The following RBM47 variants were observed in gnomAD, a reference collection of about 807,000 sequenced individuals.
RBM47 encodes RNA binding motif protein 47.
Under a neutral mutation model 47.1 loss-of-function variants are expected in RBM47, and 21 were observed. That is an observed-to-expected ratio of 0.45 (90% CI 0.32 to 0.64). The LOEUF is 0.64. RBM47 is among the 30% of genes least tolerant of loss of function. The probability of loss-of-function intolerance (pLI) is 0.05; values close to 1 mark genes in which losing one functional copy is unlikely to be tolerated. For synonymous variants in RBM47, 375 were observed against 361.7 expected, an observed-to-expected ratio of 1.04 and a Z score of -0.42; for missense variants, 708 against 870.9, an observed-to-expected ratio of 0.81 and a Z score of 2.35.
At chr4:40,556,876 A>T (rs1730146107) in intron 1 of RBM47, among the ~76,000 whole-genome samples, 1 of 151,628 alleles carries the variant, frequency 6.6e-6, no homozygotes. Context: ...GGCAACAGAG[A>T]GAAACCTTGT....
chr4:40,506,534 T>C lies in RBM47; in HGVS notation c.-155+37888A>G, dbSNP rs192538935. Among the ~76,000 whole-genome samples the C allele has an allele frequency of 5.3e-3, 804 of 152,328 alleles. 5 individuals are homozygous for C. Among genetic ancestry groups the C allele is most frequent in the African/African-American group, 0.015 (628 of 41,576 alleles). ...TTCTATACAGAGAAAGCCACTGCACTGGGAAGGGCAGAGGGCTCCGCTGTT... is the reference window on the plus strand; with the variant it reads ...TTCTATACAGAGAAAGCCACTGCACCGGGAAGGGCAGAGGGCTCCGCTGTT... On this transcript the variant is annotated intron_variant, in intron 2 of 6. Coordinates refer to ENST00000295971, the MANE Select transcript of RBM47 (RefSeq NM_001098634.2).
intron 2 of RBM47, among the ~76,000 whole-genome samples, chr4:40,501,234 T>C (rs995481758): frequency 1.3e-5 from 2 of 152,228 alleles, no homozygotes; most frequent in African/African-American, 4.8e-5. Flanking sequence ...CCTTGCAATG[T>C]AGCATCATAC....
chr4:40,504,439 C>T (rs1577826724), intron 2 of RBM47, among the ~76,000 whole-genome samples: 2 of 151,988 alleles, frequency 1.3e-5, no homozygotes, highest in African/African-American at 2.4e-5. Flanking sequence ...TACAGGTGCC[C>T]GCCACCACAC....
chr4:40,487,694 G>T (rs1220441915), intron 2 of RBM47, among the ~76,000 whole-genome samples: 1 of 152,070 alleles, frequency 6.6e-6, no homozygotes, highest in Non-Finnish European at 1.5e-5. Flanking sequence ...GCTACACAAA[G>T]AATAAGAATG....
At chr4:40,493,285 G>A (rs1050376195) in intron 2 of RBM47, among the ~76,000 whole-genome samples, 1 of 152,134 alleles carries the variant, frequency 6.6e-6, no homozygotes, top group Non-Finnish European at 1.5e-5. Context: ...TTCCAATGCA[G>A]TGTGATAAAG....
At chr4:40,427,889 A>G (rs2154208338) in intron 6 of RBM47, among the ~76,000 whole-genome samples, 1 of 152,018 alleles carries the variant, frequency 6.6e-6, no homozygotes, top group South Asian at 2.1e-4. Context: ...AATGATAATT[A>G]TAACAATTAA....
At chr4:40,612,885 T>C (rs1003861263) in intron 1 of RBM47, among the ~76,000 whole-genome samples, 1 of 152,248 alleles carries the variant, frequency 6.6e-6, no homozygotes, top group African/African-American at 2.4e-5. Flanking sequence ...TCATTTCCTT[T>C]GGTTGTAATT....
At chr4:40,590,050 T>C (rs1401685371) in intron 1 of RBM47, among the ~76,000 whole-genome samples, 1 of 151,922 alleles carries the variant, frequency 6.6e-6, no homozygotes, top group Non-Finnish European at 1.5e-5. Context: ...CTATGATGAA[T>C]TGAGAAGCCT....
At chr4:40,426,181 G>T in intron 6 of RBM47, 38 bp from the exon 7 acceptor site, 1 of 1,595,538 alleles carries the variant, frequency 6.3e-7, no homozygotes, top group Non-Finnish European at 8.6e-7. Context: ...TCCTGAACAC[G>T]TGTATGTACC....
chr4:40,549,811 G>T (rs1234059375), intron 1 of RBM47, among the ~76,000 whole-genome samples: 1 of 152,054 alleles, frequency 6.6e-6, no homozygotes, highest in Non-Finnish European at 1.5e-5. Context: ...CTCCCAAGCA[G>T]CTGGTATTAC....
At chr4:40,591,152 CAGAA>C (rs1225256233) in intron 1 of RBM47, among the ~76,000 whole-genome samples, 8 of 152,076 alleles carry the variant, frequency 5.3e-5, no homozygotes, top group Admixed American at 3.3e-4. Context: ...TCCACAGAGA[CAGAA>C]AGCACATCAG....
At chr4:40,607,310 CTA>C (rs1268674156) in intron 1 of RBM47, among the ~76,000 whole-genome samples, 1 of 152,094 alleles carries the variant, frequency 6.6e-6, no homozygotes, top group Non-Finnish European at 1.5e-5. Context: ...ACAGGCAAAT[CTA>C]TAGTCAAAAA....
At chr4:40,603,006 T>C (rs1034593768) in intron 1 of RBM47, among the ~76,000 whole-genome samples, 1 of 152,082 alleles carries the variant, frequency 6.6e-6, no homozygotes, top group African/African-American at 2.4e-5. Context: ...CTGAGCAATA[T>C]AGTCAGATCC....
chr4:40,425,526 T>C lies in RBM47; in HGVS notation c.*378A>G, dbSNP rs192123521. On this transcript the variant is annotated 3_prime_UTR_variant, in exon 7 of 7. Coordinates refer to ENST00000295971, the MANE Select transcript of RBM47 (RefSeq NM_001098634.2). ...TTTTTAATATATAGTTGATATATTA[T>C]TGAAGGTACTACAAAATAGAAATCT... 1.2e-5 allele frequency: 2 copies of C among 167,844 alleles called. No individual in the cohort carries two copies. Among genetic ancestry groups the C allele is most frequent in the East Asian group, 3.1e-4 (2 of 6,352 alleles). The allele number at this position is 167,844 out of a possible 1,614,324, so 10.4% of individuals were successfully genotyped here.
intron 2 of RBM47, among the ~76,000 whole-genome samples, chr4:40,496,975 A>T (rs1320228067): frequency 1.4e-5 from 2 of 146,344 alleles, no homozygotes; most frequent in Non-Finnish European, 3.0e-5. Flanking sequence ...TGGGAGGCGG[A>T]GGTTGCGGTG....
chr4:40,462,074 T>G (rs748186125), intron 3 of RBM47, among the ~76,000 whole-genome samples: 2 of 152,112 alleles, frequency 1.3e-5, no homozygotes, highest in Non-Finnish European at 2.9e-5. Flanking sequence ...TGAGTTGCAT[T>G]AGCATGGCAC....
At chr4:40,586,073 G>C (rs765415492) in intron 1 of RBM47, among the ~76,000 whole-genome samples, 3 of 152,152 alleles carry the variant, frequency 2.0e-5, no homozygotes, top group Non-Finnish European at 4.4e-5. Context: ...AACGCCATGG[G>C]GCAGAAATCC....
chr4:40,544,718 G>C (rs2154262622), intron 1 of RBM47, among the ~76,000 whole-genome samples: 1 of 152,290 alleles, frequency 6.6e-6, no homozygotes, highest in Admixed American at 6.5e-5. Flanking sequence ...CATTTTGCCA[G>C]CTCTGCAAGA....
At chr4:40,544,622 G>A (rs528664217) in intron 1 of RBM47, 116 bp from the exon 2 acceptor site, 1 of 152,194 alleles carries the variant, frequency 6.6e-6, no homozygotes, top group Non-Finnish European at 1.5e-5. Context: ...ATGGTGTTTT[G>A]CTATTATCAC....
Sources: allele counts gnomAD v4.1 joint callset (sites outside exome capture counted in the v4.1 genomes callset), GRCh38; gene constraint gnomAD v4.1.1; transcripts MANE v1.5; gene names NCBI Gene and HGNC (gene_info 2026-07-23, HGNC 2026-07-21).